Variants in NALF1 observed in about 807,000 individuals in gnomAD.
NALF1 encodes NALCN channel auxiliary factor 1.
In NALF1, 3 loss-of-function variants were observed where a neutral mutation model predicts 48.4. That is an observed-to-expected ratio of 0.06 (90% CI 0.03 to 0.16). The LOEUF (loss-of-function observed/expected upper bound fraction) is 0.16, where lower values mean the gene tolerates loss of function less well. Among genes scored for constraint, NALF1 ranks in the 10% least tolerant of loss-of-function variants. The pLI is 1.00. For synonymous variants in NALF1, 262 were observed against 245.7 expected, an observed-to-expected ratio of 1.07 and a Z score of -0.62; for missense variants, 526 against 571.5, an observed-to-expected ratio of 0.92 and a Z score of 0.81.
chr13:107,300,019 T>G (rs1041148840), intron 1 of NALF1, among the ~76,000 whole-genome samples: 1 of 152,170 alleles, frequency 6.6e-6, no homozygotes, highest in African/African-American at 2.4e-5. Context: ...AGGTATTGTT[T>G]CCTAGTCCAC....
chr13:107,678,647 G>C (rs1881194610), intron 1 of NALF1, among the ~76,000 whole-genome samples: 1 of 152,216 alleles, frequency 6.6e-6, no homozygotes, highest in African/African-American at 2.4e-5. Flanking sequence ...TTGACTCACA[G>C]TTCAGTGTGG....
chr13:107,425,589 C>A (rs74114518), intron 1 of NALF1, among the ~76,000 whole-genome samples: 3 of 151,962 alleles, frequency 2.0e-5, no homozygotes, highest in East Asian at 3.9e-4. Context: ...TATCAGATAT[C>A]TCTGTACAAT....
intron 1 of NALF1, among the ~76,000 whole-genome samples, chr13:107,697,301 C>G (rs1341608): frequency 0.63 from 95,737 of 151,926 alleles, 30,493 homozygotes; most frequent in Non-Finnish European, 0.67. Flanking sequence ...CTAAAAGATT[C>G]TTCATAGCAT....
intron 1 of NALF1, among the ~76,000 whole-genome samples, chr13:107,837,033 A>T (rs1879911652): frequency 6.6e-6 from 1 of 152,170 alleles, no homozygotes; most frequent in South Asian, 2.1e-4. Flanking sequence ...GAATGAAAAG[A>T]ACATAGTCCT....
intron 1 of NALF1, among the ~76,000 whole-genome samples, chr13:107,604,133 G>T (rs192591992): frequency 2.0e-5 from 3 of 152,074 alleles, no homozygotes; most frequent in East Asian, 3.9e-4. Context: ...TATTAATACC[G>T]TTCCTCCCCC....
At chr13:107,206,847 G>C (rs185912509) in intron 2 of NALF1, among the ~76,000 whole-genome samples, 1 of 152,214 alleles carries the variant, frequency 6.6e-6, no homozygotes, top group Admixed American at 6.5e-5. Flanking sequence ...TTTTTTTTGA[G>C]GTCAATAAGA....
In NALF1 at chr13:107,343,456, T is replaced by C. The variant is rs925739538; in HGVS notation, c.916-132701A>G. 2.0e-5 allele frequency among the ~76,000 whole-genome samples: 3 copies of C among 152,240 alleles called. No individual in the cohort carries two copies. In the South Asian group the frequency reaches 6.2e-4, roughly 32 times the overall value. ...AATAAGTCTCACAAGATCTGATGGT[T>C]TTAAAAAGAGGAGTTCCCCTGCACA... On this transcript the variant is annotated intron_variant, in intron 1 of 2. Transcript: ENST00000375915.
At chr13:107,255,556 G>A (rs907634833) in intron 1 of NALF1, among the ~76,000 whole-genome samples, 7 of 149,378 alleles carry the variant, frequency 4.7e-5, no homozygotes, top group African/African-American at 1.0e-4. Context: ...TAATCAATCC[G>A]TTTTATAGAT....
intron 1 of NALF1, among the ~76,000 whole-genome samples, chr13:107,676,526 T>C (rs967416184): frequency 3.3e-5 from 5 of 152,166 alleles, no homozygotes; most frequent in African/African-American, 1.2e-4. Context: ...ATTACAGACA[T>C]AGCCCTTTGT....
At chr13:107,761,335 C>T (rs1877257666) in intron 1 of NALF1, among the ~76,000 whole-genome samples, 1 of 148,230 alleles carries the variant, frequency 6.7e-6, no homozygotes, top group Admixed American at 6.8e-5. Context: ...CCAGCCTGAG[C>T]GACAGAGCAG....
At chr13:107,654,151 G>GA (rs1363520057) in intron 1 of NALF1, among the ~76,000 whole-genome samples, 1 of 151,532 alleles carries the variant, frequency 6.6e-6, no homozygotes, top group East Asian at 1.9e-4. Context: ...GATTATCCAA[G>GA]AAAAAAAGAG....
chr13:107,861,894 G>A (rs780477008), intron 1 of NALF1, among the ~76,000 whole-genome samples: 8 of 152,018 alleles, frequency 5.3e-5, no homozygotes, highest in Admixed American at 2.0e-4. Context: ...CAAACTAGTT[G>A]GGTAATGTTT....
intron 2 of NALF1, among the ~76,000 whole-genome samples, chr13:107,176,013 C>G (rs942471570): frequency 6.6e-6 from 1 of 152,078 alleles, no homozygotes; most frequent in Non-Finnish European, 1.5e-5. Flanking sequence ...AGAGTTCTCC[C>G]GCAAAAACCA....
chr13:107,830,523 C>T (rs72657280), intron 1 of NALF1, among the ~76,000 whole-genome samples: 2,886 of 152,224 alleles, frequency 0.019, 40 homozygotes, highest in Non-Finnish European at 0.028. Context: ...TTTGGGTTTC[C>T]CTGATGATTA....
At chr13:107,298,501 A>G (rs1356221355) in intron 1 of NALF1, among the ~76,000 whole-genome samples, 1 of 151,620 alleles carries the variant, frequency 6.6e-6, no homozygotes, top group African/African-American at 2.4e-5. Context: ...GTGCAATCTC[A>G]GCTCACTATA....
chr13:107,201,965 A>C (rs1879531278), intron 2 of NALF1, among the ~76,000 whole-genome samples: 1 of 152,096 alleles, frequency 6.6e-6, no homozygotes. Flanking sequence ...CACTCTTTTG[A>C]CCCCATAAAT....
intron 2 of NALF1, among the ~76,000 whole-genome samples, chr13:107,191,648 G>T (rs1879283130): frequency 6.6e-6 from 1 of 151,540 alleles, no homozygotes; most frequent in African/African-American, 2.4e-5. Flanking sequence ...CATGTGAGTA[G>T]AACACATTCT....
chr13:107,358,790 T>C (rs1883008817), intron 1 of NALF1, among the ~76,000 whole-genome samples: 1 of 152,126 alleles, frequency 6.6e-6, no homozygotes, highest in Admixed American at 6.6e-5. Context: ...GAAATGTTGA[T>C]TTCGATGAGT....
chr13:107,184,520 C>T (rs1405840969), intron 2 of NALF1, among the ~76,000 whole-genome samples: 1 of 152,080 alleles, frequency 6.6e-6, no homozygotes, highest in Non-Finnish European at 1.5e-5. Context: ...TTTCTAGGTC[C>T]CTATGATTGA....
Sources: allele counts gnomAD v4.1 joint callset (sites outside exome capture counted in the v4.1 genomes callset), GRCh38; gene constraint gnomAD v4.1.1; transcripts MANE v1.5; gene names NCBI Gene and HGNC (gene_info 2026-07-23, HGNC 2026-07-21).